Variants in SLC10A7 observed in about 807,000 individuals in gnomAD.
SLC10A7 encodes the protein solute carrier family 10 member 7.
SLC10A7 carries 29 observed loss-of-function variants against 43.2 expected under a neutral mutation model. That is an observed-to-expected ratio of 0.67 (90% CI 0.50 to 0.92). The LOEUF (loss-of-function observed/expected upper bound fraction) is 0.92. SLC10A7 is among the 40% of genes least tolerant of loss of function. The pLI, the probability that SLC10A7 is intolerant of heterozygous loss-of-function variation, is 0.00. For missense variants in SLC10A7, 295 were observed against 403.2 expected (o/e 0.73, Z 2.30); for synonymous variants, 152 against 144.8 (o/e 1.05, Z -0.35).
chr4:146,374,447 G>C (rs1235501204), intron 5 of SLC10A7, among the ~76,000 whole-genome samples: 2 of 151,864 alleles, frequency 1.3e-5, no homozygotes, highest in African/African-American at 4.8e-5. Context: ...AAACTAGCTG[G>C]GCATGGTGGT....
intron 5 of SLC10A7, among the ~76,000 whole-genome samples, chr4:146,383,844 G>A (rs895012750): frequency 3.9e-5 from 6 of 152,056 alleles, no homozygotes; most frequent in African/African-American, 1.2e-4. Flanking sequence ...CCAATACTTA[G>A]GTAGCTACTA....
intron 5 of SLC10A7, among the ~76,000 whole-genome samples, chr4:146,418,027 G>GATGATC (rs1166981008): frequency 6.6e-6 from 1 of 151,514 alleles, no homozygotes; most frequent in Non-Finnish European, 1.5e-5. Flanking sequence ...TGATGATGAT[G>GATGATC]ATGATGATGA....
intron 5 of SLC10A7, among the ~76,000 whole-genome samples, chr4:146,421,130 G>T (rs1478222659): frequency 6.6e-6 from 1 of 151,842 alleles, no homozygotes; most frequent in Non-Finnish European, 1.5e-5. Context: ...CTTGCTAATG[G>T]GCCACTCTGC....
At chr4:146,417,075 C>T (rs1040592850) in intron 5 of SLC10A7, among the ~76,000 whole-genome samples, 2 of 152,082 alleles carry the variant, frequency 1.3e-5, no homozygotes, top group African/African-American at 4.8e-5. Context: ...TAAAAGTGTA[C>T]ATTTTAGTTG....
intron 4 of SLC10A7, among the ~76,000 whole-genome samples, chr4:146,461,879 G>A (rs1732572455): frequency 7.1e-6 from 1 of 141,444 alleles, no homozygotes; most frequent in Non-Finnish European, 1.5e-5. Context: ...AATTATTTTT[G>A]CAAAAATAAA....
intron 4 of SLC10A7, among the ~76,000 whole-genome samples, chr4:146,460,301 A>C (rs1732420607): frequency 6.6e-6 from 1 of 151,978 alleles, no homozygotes; most frequent in Non-Finnish European, 1.5e-5. Context: ...TTACACATAT[A>C]TTTACCATAT....
At chr4:146,473,275 T>C (rs940617123) in intron 4 of SLC10A7, among the ~76,000 whole-genome samples, 7 of 152,202 alleles carry the variant, frequency 4.6e-5, no homozygotes, top group African/African-American at 1.7e-4. Context: ...CAAATGATTA[T>C]TGAAAACAGT....
At chr4:146,501,891 C>T (rs1736449860) in intron 4 of SLC10A7, among the ~76,000 whole-genome samples, 1 of 152,094 alleles carries the variant, frequency 6.6e-6, no homozygotes, top group African/African-American at 2.4e-5. Context: ...CAAAATACAC[C>T]CTGAATCCAA....
At chr4:146,309,372 T>C (rs1246353887) in intron 6 of SLC10A7, among the ~76,000 whole-genome samples, 1 of 152,160 alleles carries the variant, frequency 6.6e-6, no homozygotes, top group African/African-American at 2.4e-5. Context: ...GCAGTGGTTC[T>C]CAAATGTTAG....
Position 146,311,252 on chromosome 4 carries a change from T to C in SLC10A7, c.472-5243A>G, listed in dbSNP as rs192331088. ...TGGGGGTCCACTTGGTAAAATAATA[T>C]GGGGCAAACTAACCAGGCTTAGAAA... On this transcript the variant is annotated intron_variant, in intron 6 of 11. Coordinates refer to ENST00000335472, the MANE Select transcript of SLC10A7 (RefSeq NM_001029998.6). 2.8e-4 allele frequency among the ~76,000 whole-genome samples: 43 copies of C among 152,214 alleles called. No individual in the cohort carries two copies. The East Asian group carries it at 6.4e-3, about 23-fold the overall frequency.
intron 4 of SLC10A7, among the ~76,000 whole-genome samples, chr4:146,479,862 C>T (rs548068596): frequency 6.6e-6 from 1 of 152,072 alleles, no homozygotes; most frequent in African/African-American, 2.4e-5. Context: ...ACCAAAGATG[C>T]ACAAAGTTTA....
At chr4:146,382,352 A>G (rs1401697196) in intron 5 of SLC10A7, among the ~76,000 whole-genome samples, 1 of 152,282 alleles carries the variant, frequency 6.6e-6, no homozygotes, top group South Asian at 2.1e-4. Flanking sequence ...CACTGTATTT[A>G]CACTGTCACA....
chr4:146,388,328 C>T (rs1738155220), intron 5 of SLC10A7, among the ~76,000 whole-genome samples: 1 of 152,104 alleles, frequency 6.6e-6, no homozygotes, highest in African/African-American at 2.4e-5. Flanking sequence ...GGGGAAAGGA[C>T]ACTCCATTCA....
At chr4:146,388,674 G>T (rs1738182994) in intron 5 of SLC10A7, among the ~76,000 whole-genome samples, 1 of 151,906 alleles carries the variant, frequency 6.6e-6, no homozygotes, top group South Asian at 2.1e-4. Flanking sequence ...CAGGAGAATG[G>T]CGTGAACCCA....
chr4:146,472,103 T>C (rs1027081453), intron 4 of SLC10A7, among the ~76,000 whole-genome samples: 7 of 152,070 alleles, frequency 4.6e-5, no homozygotes, highest in Admixed American at 4.6e-4. Flanking sequence ...AACTTTTCTA[T>C]AAAATATAGT....
intron 5 of SLC10A7, among the ~76,000 whole-genome samples, chr4:146,377,618 C>T (rs897529072): frequency 2.0e-5 from 3 of 152,158 alleles, no homozygotes; most frequent in Non-Finnish European, 2.9e-5. Flanking sequence ...GACCCAGAAC[C>T]AAAGACCATA....
chr4:146,300,854 C>T (rs1419616514), intron 7 of SLC10A7, among the ~76,000 whole-genome samples: 2 of 152,028 alleles, frequency 1.3e-5, no homozygotes, highest in Non-Finnish European at 2.9e-5. Context: ...CTACTATATA[C>T]AGACCTAAAA....
At chr4:146,466,959 T>C (rs1213695066) in intron 4 of SLC10A7, among the ~76,000 whole-genome samples, 2 of 152,098 alleles carry the variant, frequency 1.3e-5, no homozygotes, top group African/African-American at 4.8e-5. Context: ...TACCAGGCTG[T>C]TGGGATTGTC....
rs1727789080 is a variant in SLC10A7 at position 146,254,279 on chromosome 4, AATAT to A, written c.*2208_*2211del. On this transcript the variant is annotated 3_prime_UTR_variant, in exon 12 of 12. Transcript: ENST00000335472. ...CCAGGTGGAAAAATGAGTAAACATA[AATAT>A]AATCTAATGTATTTCTTTCATAAAT... The A allele has an allele frequency of 6.6e-6, 1 of 152,202 alleles. No individual in the cohort carries two copies. Among genetic ancestry groups the A allele is most frequent in the Admixed American group, 6.5e-5 (1 of 15,282 alleles). 9.4% of individuals were successfully genotyped at this position (152,202 alleles called of 1,614,324 possible). A position where few individuals can be genotyped will look rare whatever the true frequency, so the allele number is the denominator to read the frequency against.
Sources: allele counts gnomAD v4.1 joint callset (sites outside exome capture counted in the v4.1 genomes callset), GRCh38; gene constraint gnomAD v4.1.1; transcripts MANE v1.5; gene names NCBI Gene and HGNC (gene_info 2026-07-23, HGNC 2026-07-21).